Variants in TBC1D22A observed in about 807,000 individuals in gnomAD.
The protein encoded by TBC1D22A is TBC1 domain family member 22A.
TBC1D22A carries 38 observed loss-of-function variants against 60.2 expected under a neutral mutation model. The observed-to-expected ratio is 0.63, with a 90% CI of 0.49 to 0.83. TBC1D22A has a LOEUF of 0.83. Ranked by LOEUF, TBC1D22A falls within the 40% of genes least tolerant of loss-of-function variation. TBC1D22A has a pLI of 0.00. For synonymous variants in TBC1D22A, 302 were observed against 281.7 expected (o/e 1.07, Z -0.72); for missense variants, 628 against 701.0 (o/e 0.90, Z 1.18).
chr22:47,059,368 T>TC (rs2063498427), intron 11 of TBC1D22A, among the ~76,000 whole-genome samples: 1 of 152,092 alleles, frequency 6.6e-6, no homozygotes, highest in East Asian at 1.9e-4. Context: ...ACTGGCAGCG[T>TC]CCCCCCGGCC....
At chr22:46,870,392 A>G (rs1040871950) in intron 4 of TBC1D22A, among the ~76,000 whole-genome samples, 3 of 152,374 alleles carry the variant, frequency 2.0e-5, no homozygotes, top group South Asian at 2.1e-4. Flanking sequence ...AAAATATTCC[A>G]AAGTTTCAGT....
At chr22:46,994,823 G>T (rs1367693690) in intron 9 of TBC1D22A, among the ~76,000 whole-genome samples, 1 of 152,190 alleles carries the variant, frequency 6.6e-6, no homozygotes, top group Non-Finnish European at 1.5e-5. Context: ...TTTAACATCA[G>T]TGTGCTCCTG....
chr22:47,130,299 C>G (rs1451646942), intron 12 of TBC1D22A, among the ~76,000 whole-genome samples: 1 of 152,200 alleles, frequency 6.6e-6, no homozygotes, highest in African/African-American at 2.4e-5. Context: ...TTCTAGGCCC[C>G]TCCTCAGGAC....
chr22:46,982,881 G>A lies in TBC1D22A; in HGVS notation c.1125+8482G>A, dbSNP rs558176001. ...TGTGGAGCGGTGGCAGCGGTGGGGC[G>A]CCCTCCTGCCTCATTAGGGCTGCTT... On this transcript the variant is annotated intron_variant, in intron 9 of 12. Coordinates refer to ENST00000337137, the MANE Select transcript of TBC1D22A (RefSeq NM_014346.5). Among the ~76,000 whole-genome samples, 264 of 152,114 alleles carry A rather than the reference G, an allele frequency of 1.7e-3. 1 individual carries two copies. The highest frequency in any genetic ancestry group is 5.4e-3 in the African/African-American group (224 of 41,494).
intron 1 of TBC1D22A, among the ~76,000 whole-genome samples, chr22:46,765,969 G>A (rs2083269993): frequency 1.6e-5 from 2 of 123,906 alleles, no homozygotes; most frequent in African/African-American, 7.3e-5. Context: ...GTGTGTGTGT[G>A]TGTGTGTGTG....
intron 9 of TBC1D22A, among the ~76,000 whole-genome samples, chr22:46,991,577 G>A (rs1043829148): frequency 1.3e-5 from 2 of 152,216 alleles, no homozygotes; most frequent in African/African-American, 4.8e-5. Flanking sequence ...CGTGGGAAGC[G>A]CGTGTAGTCA....
intron 5 of TBC1D22A, among the ~76,000 whole-genome samples, chr22:46,889,260 G>A (rs1027099111): frequency 1.3e-5 from 2 of 152,172 alleles, no homozygotes; most frequent in South Asian, 2.1e-4. Flanking sequence ...CTTCACCAAA[G>A]AAGAGATGCG....
chr22:46,793,789 C>G lies in TBC1D22A; in HGVS notation c.408C>G (p.Gly136=). Residue 136 remains glycine, a synonymous_variant, in exon 3 of 13, where the codon GGC becomes GGG. Transcript: ENST00000337137. The stretch of plus-strand genomic sequence containing the variant: ...CAGAGCCGCCCTCACCCCCCAGCGG[C>G]GACCTCCGGCTGGTGAAGTCGGTCA... The part of the protein sequence containing the change: ...PEAEPPSPPS[G]DLRLVKSVSE... The G allele has an allele frequency of 6.3e-7, 1 of 1,599,380 alleles. No individual in the cohort carries two copies. The highest frequency in any genetic ancestry group is 8.5e-7 in the Non-Finnish European group (1 of 1,173,634).
chr22:47,122,045 C>T (rs1360847754), intron 12 of TBC1D22A, among the ~76,000 whole-genome samples: 1 of 152,222 alleles, frequency 6.6e-6, no homozygotes, highest in Non-Finnish European at 1.5e-5. Context: ...CAACACAGAG[C>T]ACACAGGCCC....
At chr22:47,162,919 C>T (rs1006045868) in intron 12 of TBC1D22A, among the ~76,000 whole-genome samples, 1 of 152,218 alleles carries the variant, frequency 6.6e-6, no homozygotes, top group African/African-American at 2.4e-5. Flanking sequence ...AAAGCACACA[C>T]CATGTGTCTG....
At chr22:46,805,921 C>T (rs369591946) in intron 4 of TBC1D22A, among the ~76,000 whole-genome samples, 3 of 151,756 alleles carry the variant, frequency 2.0e-5, no homozygotes, top group Non-Finnish European at 4.4e-5. Context: ...GGCTTCATCT[C>T]GGCCCACTGC....
At chr22:47,033,096 C>T (rs962675476) in intron 10 of TBC1D22A, among the ~76,000 whole-genome samples, 1 of 152,228 alleles carries the variant, frequency 6.6e-6, no homozygotes, top group African/African-American at 2.4e-5. Flanking sequence ...ATTTTCTAAA[C>T]AGCTGGTTTT....
intron 5 of TBC1D22A, among the ~76,000 whole-genome samples, chr22:46,890,903 A>G (rs9627602): frequency 0.058 from 8,846 of 152,244 alleles, 795 homozygotes; most frequent in African/African-American, 0.2. Context: ...TGTCTGGTAT[A>G]TGAGGCCTCT....
intron 12 of TBC1D22A, among the ~76,000 whole-genome samples, chr22:47,156,572 A>C (rs1009314648): frequency 6.6e-6 from 1 of 152,122 alleles, no homozygotes. Flanking sequence ...GCAGCCTCAC[A>C]GAGGCGACCA....
chr22:47,152,667 G>A (rs527839879), intron 12 of TBC1D22A, among the ~76,000 whole-genome samples: 1 of 152,376 alleles, frequency 6.6e-6, no homozygotes, highest in South Asian at 2.1e-4. Flanking sequence ...TATTTACTGA[G>A]TGTGCTTGGC....
chr22:47,140,620 C>T (rs1341561088), intron 12 of TBC1D22A, among the ~76,000 whole-genome samples: 3 of 151,966 alleles, frequency 2.0e-5, no homozygotes, highest in Non-Finnish European at 2.9e-5. Context: ...TTTCAGGAGA[C>T]AAGGCTCGTT....
intron 8 of TBC1D22A, among the ~76,000 whole-genome samples, chr22:46,949,906 GC>G (rs1602625900): frequency 6.6e-6 from 1 of 152,236 alleles, no homozygotes; most frequent in Non-Finnish European, 1.5e-5. Context: ...GGCTGCTGGG[GC>G]TGGAGCAGCC....
At chr22:46,857,293 CA>C (rs2087617560) in intron 4 of TBC1D22A, among the ~76,000 whole-genome samples, 1 of 152,214 alleles carries the variant, frequency 6.6e-6, no homozygotes, top group Admixed American at 6.5e-5. Flanking sequence ...AAGCACTGTC[CA>C]GACTGAAATC....
At chr22:47,010,378 C>A (rs1403942709) in intron 10 of TBC1D22A, among the ~76,000 whole-genome samples, 1 of 152,192 alleles carries the variant, frequency 6.6e-6, no homozygotes, top group Non-Finnish European at 1.5e-5. Flanking sequence ...AAGGGCAGAG[C>A]TGAGCGTTTG....
Sources: allele counts gnomAD v4.1 joint callset (sites outside exome capture counted in the v4.1 genomes callset), GRCh38; gene constraint gnomAD v4.1.1; transcripts MANE v1.5; gene names NCBI Gene and HGNC (gene_info 2026-07-23, HGNC 2026-07-21).